The following CDCP1 variants were observed in gnomAD, a reference collection of about 807,000 sequenced individuals.
CDCP1 encodes the protein CUB domain containing protein 1.
A neutral mutation model predicts 60.2 loss-of-function variants in CDCP1; 29 were observed. That is an observed-to-expected ratio of 0.48 (90% CI 0.36 to 0.66). The LOEUF is 0.66. Ranked by LOEUF, CDCP1 falls within the 30% of genes least tolerant of loss-of-function variation. The pLI is 0.00. For synonymous variants in CDCP1, 387 were observed against 431.1 expected (o/e 0.90, Z 1.27); for missense variants, 876 against 1,074.3 (o/e 0.82, Z 2.58).
chr3:45,110,892 G>A lies in CDCP1; in HGVS notation c.656-51C>T, dbSNP rs778485053. 8 of 1,553,176 alleles carry A rather than the reference G, an allele frequency of 5.2e-6. No individual in the cohort carries two copies. In the Admixed American group the frequency reaches 1.1e-4, roughly 22 times the overall value. ...AAAGAATAGGGAGCCATTAGACCCT[G>A]TCCTGGTTGTCTGCAGCCGAGGGGT... On this transcript the variant is annotated intron_variant, in intron 3 of 8. Transcript: ENST00000296129.
At chr3:45,089,662 G>A (rs938658675) in intron 7 of CDCP1, among the ~76,000 whole-genome samples, 6 of 152,168 alleles carry the variant, frequency 3.9e-5, no homozygotes, top group East Asian at 1.9e-4. Flanking sequence ...TCCATAAATC[G>A]TGGGTAAACA....
At chr3:45,134,421 G>A (rs969067190) in intron 1 of CDCP1, among the ~76,000 whole-genome samples, 2 of 152,208 alleles carry the variant, frequency 1.3e-5, no homozygotes, top group Admixed American at 1.3e-4. Flanking sequence ...ACCGCGCCCG[G>A]CCCAGATCTA....
intron 4 of CDCP1, among the ~76,000 whole-genome samples, chr3:45,100,694 T>C (rs969652605): frequency 6.6e-6 from 1 of 152,244 alleles, no homozygotes; most frequent in South Asian, 2.1e-4. Context: ...TAAAAATGTT[T>C]TAAAATGCTT....
intron 1 of CDCP1, among the ~76,000 whole-genome samples, chr3:45,145,812 A>G (rs1699373220): frequency 6.6e-6 from 1 of 152,124 alleles, no homozygotes; most frequent in African/African-American, 2.4e-5. Flanking sequence ...GGGTGCTTTC[A>G]AGAATCCCGG....
At chr3:45,101,964 G>A (rs1335318012) in intron 4 of CDCP1, among the ~76,000 whole-genome samples, 1 of 152,062 alleles carries the variant, frequency 6.6e-6, no homozygotes, top group Non-Finnish European at 1.5e-5. Flanking sequence ...TGTACAGAGG[G>A]CCTGTTTCTA....
intron 1 of CDCP1, among the ~76,000 whole-genome samples, chr3:45,130,835 C>T (rs1057421050): frequency 1.3e-5 from 2 of 152,104 alleles, no homozygotes; most frequent in Non-Finnish European, 2.9e-5. Context: ...AGTATATTTA[C>T]AAAGCTAGCC....
chr3:45,123,973 C>T (rs1037918136), intron 1 of CDCP1, among the ~76,000 whole-genome samples: 1 of 152,174 alleles, frequency 6.6e-6, no homozygotes, highest in African/African-American at 2.4e-5. Context: ...CAGGCTTGGG[C>T]TCCTGAGTCA....
intron 8 of CDCP1, among the ~76,000 whole-genome samples, chr3:45,088,095 C>G (rs915736837): frequency 6.6e-6 from 1 of 152,266 alleles, no homozygotes; most frequent in African/African-American, 2.4e-5. Flanking sequence ...TCTCTTCTCT[C>G]TCCCATGACT....
At chr3:45,141,200 CAA>C (rs34539415) in intron 1 of CDCP1, among the ~76,000 whole-genome samples, 1 of 144,768 alleles carries the variant, frequency 6.9e-6, no homozygotes. Flanking sequence ...GACTCCGTCT[CAA>C]AAAAAAAAAG....
chr3:45,136,730 G>A (rs1315700944), intron 1 of CDCP1, among the ~76,000 whole-genome samples: 3 of 152,174 alleles, frequency 2.0e-5, no homozygotes, highest in East Asian at 1.9e-4. Context: ...TTTTGAAGAC[G>A]GGGTCTATAC....
chr3:45,146,217 G>T lies in CDCP1; in HGVS notation c.71C>A (p.Pro24Gln). ...GVLLLGAARL[P>Q]RGAEAFEIAL... ...AGCCCGGCACTCACCTGCCCCGCGC[G>T]GCAGGCGCGCCGCACCCAGCAGCAG... The change falls in exon 1 of 9, where the codon CCG becomes CAG. Residue 24 changes from proline (P) to glutamine (Q), a missense_variant. By Grantham distance (76) the Pro-to-Gln change is moderately conservative. Transcript: ENST00000296129. 2 of 1,595,180 alleles carry T rather than the reference G, an allele frequency of 1.3e-6. No homozygotes were observed. Among genetic ancestry groups the T allele is most frequent in the Non-Finnish European group, 8.5e-7 (1 of 1,173,186 alleles).
intron 4 of CDCP1, among the ~76,000 whole-genome samples, chr3:45,104,844 G>A (rs771865235): frequency 5.9e-5 from 9 of 152,166 alleles, no homozygotes; most frequent in Admixed American, 2.6e-4. Context: ...ACCTGAGGTC[G>A]ATTGTTTGAG....
chr3:45,132,942 G>A (rs991899950), intron 1 of CDCP1, among the ~76,000 whole-genome samples: 3 of 152,208 alleles, frequency 2.0e-5, no homozygotes. Context: ...AGACCATGTT[G>A]AACGGTACTG....
At position 45,085,850 on chromosome 3, in the gene CDCP1, C is replaced by T; in HGVS notation, c.2299G>A (p.Gly767Ser). ...GAGGGAGGACAGACCCCCATGGTGC[C>T]CTGGAACGGCCGGTAGGTGTCCACC... is the stretch of plus-strand genomic sequence containing the variant. ...PEVDTYRPFQ[G>S]TMGVCPPSPP... is the part of the protein sequence containing the mutation. The change falls in exon 9 of 9, where the codon GGC (glycine) becomes AGC (serine). Residue 767 changes from glycine (G) to serine (S), a missense_variant. By Grantham distance (56) the Gly-to-Ser change is moderately conservative. Around this residue, in one of 2 missense-constraint regions of CDCP1, gnomAD observed 726 missense variants for 935.7 expected, o/e 0.78. Coordinates refer to ENST00000296129, the MANE Select transcript of CDCP1 (RefSeq NM_022842.5). This position sits in a 1 kb window ranked among gnomAD's most constrained non-coding sequence, Gnocchi z 4.2. The T allele has an allele frequency of 2.5e-6, 4 of 1,614,090 alleles. No individual in the cohort carries two copies. Among genetic ancestry groups the T allele is most frequent in the Non-Finnish European group, 2.5e-6 (3 of 1,180,014 alleles).
chr3:45,111,679 CAAACAA>C (rs1189487079), intron 3 of CDCP1, among the ~76,000 whole-genome samples: 1 of 152,070 alleles, frequency 6.6e-6, no homozygotes, highest in African/African-American at 2.4e-5. Flanking sequence ...TTTCTCAAAA[CAAACAA>C]AAACAAAAAT....
At chr3:45,116,591 C>T (rs187848520) in intron 2 of CDCP1, among the ~76,000 whole-genome samples, 1 of 152,190 alleles carries the variant, frequency 6.6e-6, no homozygotes, top group African/African-American at 2.4e-5. Context: ...TGATACAAAC[C>T]TCCTGGCTCA....
At chr3:45,092,966 C>T (rs57264279) in intron 6 of CDCP1, among the ~76,000 whole-genome samples, 6,503 of 152,318 alleles carry the variant, frequency 0.043, 244 homozygotes, top group African/African-American at 0.095. Flanking sequence ...TGGGGAATAT[C>T]TGGCTATTTC....
At chr3:45,089,195 C>G in intron 7 of CDCP1, 54 bp from the exon 8 acceptor site, 1 of 1,449,534 alleles carries the variant, frequency 6.9e-7, no homozygotes, top group Non-Finnish European at 9.6e-7. Flanking sequence ...GTGAGCTCTG[C>G]AATGAACTTG....
intron 4 of CDCP1, among the ~76,000 whole-genome samples, chr3:45,098,667 C>T (rs1014725012): frequency 6.6e-6 from 1 of 151,224 alleles, no homozygotes; most frequent in Non-Finnish European, 1.5e-5. Flanking sequence ...CATTCCCATT[C>T]TCCCATCTTC....
Sources: gnomAD v4.1 joint callset for allele counts (sites outside exome capture counted in the v4.1 genomes callset) on GRCh38, gnomAD v4.1.1 for gene constraint, gnomAD v4.1.1 regional missense constraint, Gnocchi (gnomAD v3.1) non-coding constraint, MANE v1.5 for transcripts, NCBI Gene and HGNC (gene_info 2026-07-23, HGNC 2026-07-21) for gene names.